The following SPOCK3 variants were observed in gnomAD, a reference collection of about 807,000 sequenced individuals.
SPOCK3 encodes SPARC (osteonectin), cwcv and kazal like domains proteoglycan 3, also known as testican-3.
Under a neutral mutation model 56.6 loss-of-function variants are expected in SPOCK3, and 30 were observed. That is an observed-to-expected ratio of 0.53 (90% CI 0.40 to 0.72). SPOCK3 has a LOEUF of 0.72. SPOCK3 is among the 30% of genes least tolerant of loss of function. SPOCK3 has a pLI of 0.00. For missense variants in SPOCK3, 527 were observed against 530.0 expected, an observed-to-expected ratio of 0.99 and a Z score of 0.06; for synonymous variants, 196 against 183.3, an observed-to-expected ratio of 1.07 and a Z score of -0.56.
At chr4:166,822,758 T>C (rs2076508466) in intron 6 of SPOCK3, among the ~76,000 whole-genome samples, 1 of 152,084 alleles carries the variant, frequency 6.6e-6, no homozygotes, top group Non-Finnish European at 1.5e-5. Flanking sequence ...TCAGTCCATC[T>C]AGAAAAATGT....
chr4:166,942,595 A>G (rs1042705006), intron 4 of SPOCK3, among the ~76,000 whole-genome samples: 1 of 152,148 alleles, frequency 6.6e-6, no homozygotes, highest in African/African-American at 2.4e-5. Flanking sequence ...AGAACACTAT[A>G]TATATTTCAA....
intron 5 of SPOCK3, among the ~76,000 whole-genome samples, chr4:166,905,625 T>C (rs773128171): frequency 2.0e-5 from 3 of 151,926 alleles, no homozygotes; most frequent in Non-Finnish European, 2.9e-5. Flanking sequence ...CATTGAACAT[T>C]GTAGTGGAAG....
At chr4:167,028,997 T>C (rs10022441) in intron 3 of SPOCK3, among the ~76,000 whole-genome samples, 52,665 of 151,716 alleles carry the variant, frequency 0.35, 12,107 homozygotes, top group African/African-American at 0.66. Context: ...AGTGCCATGG[T>C]GGTTTCCTGC....
At chr4:166,823,138 C>A (rs936836336) in intron 6 of SPOCK3, among the ~76,000 whole-genome samples, 1 of 151,978 alleles carries the variant, frequency 6.6e-6, no homozygotes, top group Admixed American at 6.6e-5. Context: ...ACATTTAAAA[C>A]CTTCATTGTG....
At chr4:166,866,735 A>G (rs1489373920) in intron 6 of SPOCK3, among the ~76,000 whole-genome samples, 1 of 152,078 alleles carries the variant, frequency 6.6e-6, no homozygotes, top group African/African-American at 2.4e-5. Context: ...TCAAAAGGAT[A>G]TACTCCGGAA....
chr4:167,171,422 A>C (rs975045511), intron 2 of SPOCK3, among the ~76,000 whole-genome samples: 1 of 152,176 alleles, frequency 6.6e-6, no homozygotes, highest in Non-Finnish European at 1.5e-5. Context: ...TGTCTACAGC[A>C]TGTAACCCAT....
rs140466406 is a variant in SPOCK3 at position 166,976,113 on chromosome 4, C to CCA, written c.350+24234_350+24235dup. ...CCCTACATACAACACTCTCCACCCA[C>CCA]CACACACACACACACACAAAACAGC... On this transcript the variant is annotated intron_variant, in intron 4 of 10. Transcript: ENST00000357545. Among the ~76,000 whole-genome samples the CCA allele has an allele frequency of 9.7e-3, 1,456 of 150,178 alleles. 19 individuals carry two copies. The highest frequency in any genetic ancestry group is 0.032 in the African/African-American group (1,332 of 40,996).
intron 4 of SPOCK3, among the ~76,000 whole-genome samples, chr4:166,925,440 C>T (rs775359861): frequency 2.0e-5 from 3 of 152,022 alleles, no homozygotes; most frequent in Non-Finnish European, 2.9e-5. Context: ...CCTGAGAATA[C>T]GCTTACTAGT....
At chr4:166,977,256 T>A (rs1410648350) in intron 4 of SPOCK3, among the ~76,000 whole-genome samples, 1 of 152,110 alleles carries the variant, frequency 6.6e-6, no homozygotes, top group Admixed American at 6.5e-5. Flanking sequence ...ATGTACAAGT[T>A]AGAGATTGAT....
chr4:166,767,587 C>T (rs978452615), intron 7 of SPOCK3, among the ~76,000 whole-genome samples: 3 of 152,170 alleles, frequency 2.0e-5, no homozygotes, highest in African/African-American at 7.2e-5. Flanking sequence ...TTTACATTTG[C>T]TGAGGAGTGC....
chr4:166,863,570 TA>T (rs60811370), intron 6 of SPOCK3, among the ~76,000 whole-genome samples: 89,834 of 151,452 alleles, frequency 0.59, 27,687 homozygotes, highest in South Asian at 0.72. Context: ...CACATAGACT[TA>T]AAAATAAAGT....
At chr4:167,016,218 T>C (rs1750603466) in intron 3 of SPOCK3, among the ~76,000 whole-genome samples, 1 of 152,106 alleles carries the variant, frequency 6.6e-6, no homozygotes, top group Non-Finnish European at 1.5e-5. Flanking sequence ...TAGTTTTTGA[T>C]ATTAAATATT....
At chr4:167,004,069 A>T (rs1479586199) in intron 3 of SPOCK3, among the ~76,000 whole-genome samples, 1 of 152,210 alleles carries the variant, frequency 6.6e-6, no homozygotes, top group Admixed American at 6.5e-5. Flanking sequence ...GCTAGGACAG[A>T]TATCGTACAA....
chr4:167,119,850 T>C, intron 2 of SPOCK3: 1 of 1,527,600 alleles, frequency 6.5e-7, no homozygotes, highest in Non-Finnish European at 8.7e-7. Context: ...ACTACTGTCC[T>C]GTCAAATAAT....
chr4:167,108,583 T>C (rs1760393715), intron 2 of SPOCK3, among the ~76,000 whole-genome samples: 1 of 151,794 alleles, frequency 6.6e-6, no homozygotes, highest in South Asian at 2.1e-4. Flanking sequence ...ATATTCTCAC[T>C]TATTTGTGGG....
intron 2 of SPOCK3, among the ~76,000 whole-genome samples, chr4:167,085,127 A>G (rs138583843): frequency 0.01 from 1,562 of 152,068 alleles, 15 homozygotes; most frequent in Non-Finnish European, 0.017. Flanking sequence ...GGATCAAAGG[A>G]AGTAATAACC....
intron 6 of SPOCK3, among the ~76,000 whole-genome samples, chr4:166,883,631 A>C (rs528586333): frequency 3.3e-4 from 51 of 152,322 alleles, no homozygotes; most frequent in African/African-American, 1.2e-3. Context: ...AGCAAGCACA[A>C]GATTTTTGTA....
At chr4:166,838,182 C>A (rs1038952190) in intron 6 of SPOCK3, among the ~76,000 whole-genome samples, 3 of 152,044 alleles carry the variant, frequency 2.0e-5, no homozygotes, top group Admixed American at 2.0e-4. Flanking sequence ...TTGGGGTTTG[C>A]TCAGCTTCTT....
At chr4:166,830,673 G>A (rs1279434603) in intron 6 of SPOCK3, among the ~76,000 whole-genome samples, 1 of 152,108 alleles carries the variant, frequency 6.6e-6, no homozygotes, top group African/African-American at 2.4e-5. Context: ...GGTAGAGGTT[G>A]CAGTGAGCCA....
Sources: allele counts gnomAD v4.1 joint callset (sites outside exome capture counted in the v4.1 genomes callset), GRCh38; gene constraint gnomAD v4.1.1; transcripts MANE v1.5; gene names NCBI Gene and HGNC (gene_info 2026-07-23, HGNC 2026-07-21).